Variants in SPATA13 observed in about 807,000 individuals in gnomAD.
The protein encoded by SPATA13 is spermatogenesis-associated protein 13.
SPATA13 carries 50 observed loss-of-function variants against 104.0 expected under a neutral mutation model. That is an observed-to-expected ratio of 0.48 (90% CI 0.38 to 0.61). The LOEUF (loss-of-function observed/expected upper bound fraction) is 0.61, where lower values mean the gene tolerates loss of function less well. SPATA13 is among the 20% of genes least tolerant of loss of function. SPATA13 has a pLI of 0.00. For synonymous variants in SPATA13, 606 were observed against 667.5 expected, an observed-to-expected ratio of 0.91 and a Z score of 1.42; for missense variants, 1,524 against 1,690.6, an observed-to-expected ratio of 0.90 and a Z score of 1.73.
At position 24,088,115 on chromosome 13, in the gene SPATA13, C is replaced by T. The variant is rs1329231266; in HGVS notation, c.-112+70414C>T. On this transcript the variant is annotated intron_variant, in intron 3 of 14. Transcript: ENST00000424834. The surrounding 1 kb of genome is among the most constrained non-coding windows in gnomAD (Gnocchi z 4.3). ...AGTCCTGGGGTCACACACTTCTGGA[C>T]TTGTGGTCCTCACTCATTAAACGAT... 6.6e-6 allele frequency among the ~76,000 whole-genome samples: 1 copy of T among 152,216 alleles called. No individual in the cohort carries two copies. The highest frequency in any genetic ancestry group is 1.5e-5 in the Non-Finnish European group (1 of 68,042).
intron 3 of SPATA13, among the ~76,000 whole-genome samples, chr13:24,078,237 C>A (rs1211684674): frequency 6.6e-6 from 1 of 152,130 alleles, no homozygotes; most frequent in African/African-American, 2.4e-5. Context: ...CAAGCAGGAT[C>A]AAGAGAGGCA....
At chr13:24,020,141 C>T (rs1329234375) in intron 3 of SPATA13, among the ~76,000 whole-genome samples, 1 of 152,192 alleles carries the variant, frequency 6.6e-6, no homozygotes, top group African/African-American at 2.4e-5. Flanking sequence ...TGGCATGAAA[C>T]ACACCAACAT....
chr13:23,980,741 G>A (rs1426156368), intron 1 of SPATA13, among the ~76,000 whole-genome samples: 2 of 152,018 alleles, frequency 1.3e-5, no homozygotes, highest in Non-Finnish European at 2.9e-5. Context: ...ACAGGCGGCC[G>A]TCGCTACACA....
chr13:24,198,951 C>CTTT (rs3067263), intron 1 of SPATA13, among the ~76,000 whole-genome samples: 132 of 140,378 alleles, frequency 9.4e-4, no homozygotes, highest in East Asian at 3.1e-3. Context: ...ACTATAAAAT[C>CTTT]TTTTTTTTTT....
At chr13:24,143,195 C>T (rs903458656) in intron 3 of SPATA13, among the ~76,000 whole-genome samples, 19 of 152,306 alleles carry the variant, frequency 1.2e-4, no homozygotes, top group African/African-American at 4.3e-4. Flanking sequence ...TGGTCCAAAC[C>T]AGAGAAAGCC....
upstream of SPATA13, among the ~76,000 whole-genome samples, chr13:24,160,237 A>G (rs146065727): frequency 2.5e-3 from 379 of 151,838 alleles, no homozygotes; most frequent in African/African-American, 8.5e-3. Flanking sequence ...GGCTGAGGGA[A>G]CTATTTTTGT....
chr13:24,022,597 A>G (rs993973736), intron 3 of SPATA13, among the ~76,000 whole-genome samples: 1 of 152,236 alleles, frequency 6.6e-6, no homozygotes, highest in African/African-American at 2.4e-5. Context: ...TAAGATGGTG[A>G]ATTTTAAGTT....
intron 3 of SPATA13, among the ~76,000 whole-genome samples, chr13:24,072,778 G>A (rs1879209699): frequency 6.7e-6 from 1 of 148,260 alleles, no homozygotes; most frequent in Non-Finnish European, 1.5e-5. Flanking sequence ...CTTTTTCCTG[G>A]TTCCTCTGAG....
At chr13:24,122,537 A>G in intron 3 of SPATA13, 1 of 1,587,316 alleles carries the variant, frequency 6.3e-7, no homozygotes. Context: ...TCCTCTGGTC[A>G]GTGCCACGCC....
At chr13:24,078,675 G>A (rs1239933552) in intron 3 of SPATA13, among the ~76,000 whole-genome samples, 6 of 152,204 alleles carry the variant, frequency 3.9e-5, no homozygotes, top group African/African-American at 1.4e-4. Context: ...GGAAGCAGTT[G>A]TCGCCCTAGT....
rs929136217 is a variant in SPATA13 at position 24,306,746 on chromosome 13, C to T, written c.*3973C>T. 1.2e-4 allele frequency: 19 copies of T among 152,062 alleles called. No homozygotes were observed. Among genetic ancestry groups the T allele is most frequent in the Admixed American group, 1.1e-3 (17 of 15,270 alleles). 9.4% of individuals were successfully genotyped at this position (152,062 alleles called of 1,614,324 possible). ...ACTGACATTTTATATTTAGAAAATACTTTTAATCTTTCTAATCTTTTTTTG... is the reference window on the plus strand; with the variant it reads ...ACTGACATTTTATATTTAGAAAATATTTTTAATCTTTCTAATCTTTTTTTG... On this transcript the variant is annotated 3_prime_UTR_variant, in exon 13 of 13. Coordinates refer to ENST00000382108, the MANE Select transcript of SPATA13 (RefSeq NM_001166271.3).
At chr13:24,237,146 A>T (rs989424346) in intron 2 of SPATA13, among the ~76,000 whole-genome samples, 1 of 152,198 alleles carries the variant, frequency 6.6e-6, no homozygotes, top group African/African-American at 2.4e-5. Flanking sequence ...TCATGAGGTC[A>T]GGAGTTCGAG....
At chr13:23,980,111 G>T (rs925057709) in intron 1 of SPATA13, among the ~76,000 whole-genome samples, 4 of 152,098 alleles carry the variant, frequency 2.6e-5, no homozygotes, top group African/African-American at 9.7e-5. Context: ...GGTTAGAGAA[G>T]TTGTCATGGC....
rs55881452 is a variant in SPATA13, at chr13:24,239,693, TAAAAAAAA to T, written c.1654-9765_1654-9758del. On this transcript the variant is annotated intron_variant, in intron 2 of 12. Coordinates refer to ENST00000382108, the MANE Select transcript of SPATA13 (RefSeq NM_001166271.3). ...CTGGGTGTCGGATAGAGACCATATC[TAAAAAAAA>T]AAAAAAAAAAAAAAAAAATAGAGAA... Among the ~76,000 whole-genome samples, 16 of 46,940 alleles carry T rather than the reference TAAAAAAAA, an allele frequency of 3.4e-4. 1 individual carries two copies. The highest frequency in any genetic ancestry group is 3.9e-4 in the Admixed American group (1 of 2,540). 30.8% of individuals were successfully genotyped at this position (46,940 alleles called of 152,430 possible).
At chr13:24,171,756 A>G (rs1199738396) in intron 1 of SPATA13, among the ~76,000 whole-genome samples, 2 of 152,238 alleles carry the variant, frequency 1.3e-5, no homozygotes, top group African/African-American at 4.8e-5. Context: ...TACGTGAATA[A>G]CAAAGTTTTG....
chr13:24,001,722 T>C lies in SPATA13; in HGVS notation c.-146-15945T>C, dbSNP rs114762227. ...GGATGTTCAATGATGGCCGTGGATA[T>C]GGAGGGAAATGAAGAAAGAGAACCT... On this transcript the variant is annotated intron_variant, in intron 2 of 14. Coordinates refer to the SPATA13 transcript ENST00000424834. Among the ~76,000 whole-genome samples the C allele has an allele frequency of 8.0e-3, 1,214 of 151,402 alleles. 16 individuals are homozygous for C. The highest frequency in any genetic ancestry group is 0.028 in the African/African-American group (1,157 of 41,180).
chr13:24,116,628 G>A (rs1285855518), intron 3 of SPATA13, among the ~76,000 whole-genome samples: 2 of 152,152 alleles, frequency 1.3e-5, no homozygotes, highest in Non-Finnish European at 2.9e-5. Flanking sequence ...AGAGGGTAAT[G>A]TGCTTGCCCA....
upstream of SPATA13, among the ~76,000 whole-genome samples, chr13:24,160,510 C>G (rs967409809): frequency 6.6e-6 from 1 of 152,144 alleles, no homozygotes; most frequent in Non-Finnish European, 1.5e-5. Context: ...TCCAAAAGTG[C>G]TAGGATTACA....
chr13:24,047,459 T>C (rs1878191011), intron 3 of SPATA13, among the ~76,000 whole-genome samples: 1 of 152,208 alleles, frequency 6.6e-6, no homozygotes, highest in Non-Finnish European at 1.5e-5. Flanking sequence ...AGGGAGTTAG[T>C]TTCAGGAAGG....
Sources: gnomAD v4.1 joint callset for allele counts (sites outside exome capture counted in the v4.1 genomes callset) on GRCh38, gnomAD v4.1.1 for gene constraint, Gnocchi (gnomAD v3.1) non-coding constraint, MANE v1.5 for transcripts, NCBI Gene and HGNC (gene_info 2026-07-23, HGNC 2026-07-21) for gene names.